The following UBE2D1 variants were observed in gnomAD, a reference collection of about 807,000 sequenced individuals.
UBE2D1 encodes ubiquitin-conjugating enzyme E2 D1.
In UBE2D1, 9 loss-of-function variants were observed where a neutral mutation model predicts 24.6. The observed-to-expected ratio is 0.37, with a 90% CI of 0.22 to 0.64. UBE2D1 has a LOEUF of 0.64. Ranked by LOEUF, UBE2D1 falls within the 30% of genes least tolerant of loss-of-function variation. UBE2D1 has a pLI of 0.64. For synonymous variants in UBE2D1, 57 were observed against 57.6 expected (o/e 0.99, Z 0.04); for missense variants, 87 against 177.1 (o/e 0.49, Z 2.89).
At chr10:58,357,235 A>G (rs1488274869) in intron 1 of UBE2D1, among the ~76,000 whole-genome samples, 2 of 152,130 alleles carry the variant, frequency 1.3e-5, no homozygotes, top group African/African-American at 2.4e-5. Context: ...TAATCCTAAC[A>G]TATCCGTTTG....
chr10:58,357,535 C>G (rs957896941), intron 1 of UBE2D1, among the ~76,000 whole-genome samples: 1 of 152,142 alleles, frequency 6.6e-6, no homozygotes. Context: ...ATTTTCACCT[C>G]ATTAACACAT....
intron 1 of UBE2D1, among the ~76,000 whole-genome samples, chr10:58,350,676 T>A (rs1263976736): frequency 6.6e-6 from 1 of 152,218 alleles, no homozygotes; most frequent in African/African-American, 2.4e-5. Context: ...TCTCTGCCTT[T>A]ATGGGGTTTT....
chr10:58,363,075 A>G (rs367804399), intron 3 of UBE2D1, among the ~76,000 whole-genome samples: 6 of 152,142 alleles, frequency 3.9e-5, no homozygotes, highest in Non-Finnish European at 8.8e-5. Context: ...TTTTATAAAT[A>G]ATTACTAAAC....
At chr10:58,368,695 C>T in intron 6 of UBE2D1, 25 bp from the exon 7 acceptor site, 1 of 1,520,064 alleles carries the variant, frequency 6.6e-7, no homozygotes, top group South Asian at 1.2e-5. Flanking sequence ...TATGTTTTTA[C>T]TATATCCTTT....
intron 1 of UBE2D1, among the ~76,000 whole-genome samples, chr10:58,346,708 T>C (rs1035393406): frequency 2.6e-5 from 4 of 152,168 alleles, no homozygotes; most frequent in Admixed American, 2.0e-4. Context: ...GCAAGTCATT[T>C]TAAGGACTTA....
In UBE2D1 at chr10:58,367,972, C is replaced by G. The variant is rs61749178; in HGVS notation, c.354C>G (p.Pro118=). Residue 118 remains proline (P), a synonymous_variant, in exon 6 of 7, where the codon CCC becomes CCG. Transcript: ENST00000373910. ...TTTGTGATCCTAATCCAGATGACCC[C>G]TTAGTACCAGATATTGCACAAATCT... ...SLLCDPNPDD[P]LVPDIAQIYK... 0.023 allele frequency: 37,767 copies of G among 1,609,056 alleles called. 536 individuals carry two copies. The highest frequency in any genetic ancestry group is 0.028 in the Non-Finnish European group (32,988 of 1,176,392).
At position 58,364,396 on chromosome 10, in the gene UBE2D1, T is replaced by C. The variant is rs191303692; in HGVS notation, c.199-375T>C. ...AGCACCCTGGTTTTAGATCCAAATG[T>C]TACTTCCAGGTATCACCAATAATCA... On this transcript the variant is annotated intron_variant, in intron 4 of 6. Transcript: ENST00000373910. 378 of 157,658 alleles carry C rather than the reference T, an allele frequency of 2.4e-3. 2 individuals are homozygous for C. Among genetic ancestry groups the C allele is most frequent in the Non-Finnish European group, 2.0e-3 (147 of 71,826 alleles). The allele number at this position is 157,658 out of a possible 1,614,324, so 9.8% of individuals were successfully genotyped here.
rs191654476 is a variant in UBE2D1, at chr10:58,356,198, A to G, written c.25-5140A>G. Among the ~76,000 whole-genome samples, 204 of 152,272 alleles carry G rather than the reference A, an allele frequency of 1.3e-3. 1 individual carries two copies. The highest frequency in any genetic ancestry group is 4.6e-3 in the African/African-American group (192 of 41,566). ...TTACAAAAGTATTATAAAAAATTAA[A>G]TGGTGTAGAAAACATAAAGAAGTAG... On this transcript the variant is annotated intron_variant, in intron 1 of 6. Coordinates refer to ENST00000373910, the MANE Select transcript of UBE2D1 (RefSeq NM_003338.5).
At chr10:58,346,860 A>AG (rs1323327898) in intron 1 of UBE2D1, among the ~76,000 whole-genome samples, 2 of 152,244 alleles carry the variant, frequency 1.3e-5, no homozygotes, top group Admixed American at 1.3e-4. Context: ...TGAGATCCAA[A>AG]GAGGGTCTAA....
chr10:58,352,728 A>G (rs2132323465), intron 1 of UBE2D1, among the ~76,000 whole-genome samples: 1 of 152,332 alleles, frequency 6.6e-6, no homozygotes, highest in East Asian at 1.9e-4. Flanking sequence ...AGAATTTACC[A>G]GGTCTTATCA....
chr10:58,365,221 AAC>A (rs1840242310), intron 5 of UBE2D1, among the ~76,000 whole-genome samples: 1 of 152,158 alleles, frequency 6.6e-6, no homozygotes, highest in Non-Finnish European at 1.5e-5. Context: ...CTGTTATTCT[AAC>A]ACTTTGGAAG....
chr10:58,345,107 C>G (rs1430363945), intron 1 of UBE2D1, among the ~76,000 whole-genome samples: 1 of 152,010 alleles, frequency 6.6e-6, no homozygotes, highest in Non-Finnish European at 1.5e-5. Flanking sequence ...TCAAGTGATC[C>G]ACCCGCCTTG....
At chr10:58,342,837 T>G (rs1387985473) in intron 1 of UBE2D1, among the ~76,000 whole-genome samples, 3 of 147,892 alleles carry the variant, frequency 2.0e-5, no homozygotes, top group Non-Finnish European at 4.4e-5. Flanking sequence ...TTTTTTTGTT[T>G]TTTTTTTTTT....
intron 1 of UBE2D1, among the ~76,000 whole-genome samples, chr10:58,359,512 C>G (rs1261605977): frequency 6.6e-6 from 1 of 152,082 alleles, no homozygotes; most frequent in Non-Finnish European, 1.5e-5. Flanking sequence ...TATGTTGAAC[C>G]ACATTGTTTC....
intron 1 of UBE2D1, among the ~76,000 whole-genome samples, chr10:58,348,278 C>T (rs992818670): frequency 7.9e-5 from 12 of 152,132 alleles, no homozygotes; most frequent in Non-Finnish European, 1.6e-4. Flanking sequence ...TTCTGATGAT[C>T]GTTTGACATC....
In UBE2D1 at chr10:58,367,945, A is replaced by G; in HGVS notation, c.327A>G (p.Leu109=). The change falls in exon 6 of 7, where the codon CTA becomes CTG. Residue 109 remains leucine (L), a synonymous_variant. Transcript: ENST00000373910. ...VSKVLLSICS[L]LCDPNPDDPL... The stretch of plus-strand genomic sequence containing the variant: ...TAGTTTTATTGTCCATATGTTCTCT[A>G]CTTTGTGATCCTAATCCAGATGACC... 6.2e-7 allele frequency: 1 copy of G among 1,610,036 alleles called. No individual in the cohort carries two copies. Among genetic ancestry groups the G allele is most frequent in the African/African-American group, 1.3e-5 (1 of 74,908 alleles).
intron 1 of UBE2D1, among the ~76,000 whole-genome samples, chr10:58,356,025 A>T (rs1265059033): frequency 6.6e-6 from 1 of 152,102 alleles, no homozygotes; most frequent in Non-Finnish European, 1.5e-5. Context: ...TGCTTAATAT[A>T]TATGTAGAGG....
chr10:58,335,073 A>G lies in UBE2D1; in HGVS notation c.-129A>G. On this transcript the variant is annotated 5_prime_UTR_variant, in exon 1 of 7. Transcript: ENST00000373910. ...GACCGGCGCCCGGAGCGAGCCAGGG[A>G]GCGGCTAACCGGGGACCCACCGCGC... 1 of 969,816 alleles carries G rather than the reference A, an allele frequency of 1.0e-6. No homozygotes were observed. Among genetic ancestry groups the G allele is most frequent in the Non-Finnish European group, 1.5e-6 (1 of 651,828 alleles). The allele number at this position is 969,816 out of a possible 1,614,324, so 60.1% of individuals were successfully genotyped here. A position where few individuals can be genotyped will look rare whatever the true frequency, so the allele number is the denominator to read the frequency against.
chr10:58,359,758 T>C (rs1156547744), intron 1 of UBE2D1, among the ~76,000 whole-genome samples: 4 of 152,208 alleles, frequency 2.6e-5, no homozygotes, highest in Non-Finnish European at 5.9e-5. Context: ...ATAACACCTA[T>C]CTCTGAGGAT....
Sources: gnomAD v4.1 joint callset for allele counts (sites outside exome capture counted in the v4.1 genomes callset) on GRCh38, gnomAD v4.1.1 for gene constraint, MANE v1.5 for transcripts, NCBI Gene and HGNC (gene_info 2026-07-23, HGNC 2026-07-21) for gene names.